Variants in KMT2A observed in about 807,000 individuals in gnomAD.
KMT2A encodes the protein lysine methyltransferase 2A, also known as histone-lysine N-methyltransferase 2A.
KMT2A carries 16 observed loss-of-function variants against 345.3 expected under a neutral mutation model. The observed-to-expected ratio is 0.05, with a 90% CI of 0.03 to 0.07. KMT2A has a LOEUF of 0.07. KMT2A is among the 10% of genes least tolerant of loss of function. KMT2A has a pLI of 1.00. For missense variants in KMT2A, 3,272 were observed against 4,841.6 expected (o/e 0.68, Z 9.62); for synonymous variants, 1,599 against 1,778.6 (o/e 0.90, Z 2.54).
rs1555044956 is a variant in KMT2A at position 118,499,290 on chromosome 11, G to A, written c.5962-13G>A. 1.3e-6 allele frequency: 2 copies of A among 1,542,070 alleles called. No homozygotes were observed. The highest frequency in any genetic ancestry group is 1.1e-5 in the South Asian group (1 of 89,584). Reference sequence around the variant, plus strand: ...GGACAGCCTATTAACAGCTACCATGGGTTTTATTTAAGGTGGTTCCTGAGA... The same window carrying A: ...GGACAGCCTATTAACAGCTACCATGAGTTTTATTTAAGGTGGTTCCTGAGA... On this transcript the variant is annotated splice_polypyrimidine_tract_variant and intron_variant, in intron 22 of 35. Coordinates refer to ENST00000534358, the MANE Select transcript of KMT2A (RefSeq NM_001197104.2).
intron 1 of KMT2A, among the ~76,000 whole-genome samples, chr11:118,444,636 C>T (rs1321480958): frequency 1.3e-5 from 2 of 152,128 alleles, no homozygotes; most frequent in African/African-American, 4.8e-5. Flanking sequence ...AGTGTAATGG[C>T]ACAAACATTT....
rs1445127709 is a variant in KMT2A, at chr11:118,490,245, T to C, written c.4692T>C (p.Ala1564=). Reference sequence around the variant, plus strand: ...GTCATGATTGCGCCAAGCTCTTTGCTAAAGGTACCCAAAAAAGCCAGTTTT... The same window carrying C: ...GTCATGATTGCGCCAAGCTCTTTGCCAAAGGTACCCAAAAAAGCCAGTTTT... The part of the protein sequence containing the change: ...SLCHDCAKLF[A]KGNFCPLCDK... The change falls in exon 13 of 36, where the codon GCT becomes GCC. Residue 1564 remains alanine, a synonymous_variant. Transcript: ENST00000534358. The surrounding 1 kb of genome is among the most constrained non-coding windows in gnomAD (Gnocchi z 4.2). 6.4e-7 allele frequency: 1 copy of C among 1,551,876 alleles called. No individual in the cohort carries two copies. The highest frequency in any genetic ancestry group is 8.6e-7 in the Non-Finnish European group (1 of 1,157,976).
At chr11:118,438,720 A>G (rs2134162822) in intron 1 of KMT2A, among the ~76,000 whole-genome samples, 1 of 152,278 alleles carries the variant, frequency 6.6e-6, no homozygotes, top group African/African-American at 2.4e-5. Context: ...CCTCCTTTCA[A>G]GGAGCTGGCA....
chr11:118,511,817 T>C (rs901273448), intron 30 of KMT2A, 134 bp from the exon 31 acceptor site: 2 of 749,306 alleles, frequency 2.7e-6, no homozygotes, highest in Admixed American at 2.4e-5. Context: ...CTAAGAAAAA[T>C]AACAAAACAC....
intron 31 of KMT2A, among the ~76,000 whole-genome samples, chr11:118,517,687 A>T (rs956749774): frequency 2.6e-5 from 4 of 151,978 alleles, no homozygotes; most frequent in African/African-American, 9.7e-5. Context: ...AAGAAATTTA[A>T]AAATTAGCCA....
At position 118,436,860 on chromosome 11, in the gene KMT2A, G is replaced by A. The variant is rs1555138781; in HGVS notation, c.348G>A (p.Leu116=). 1 of 1,598,054 alleles carries A rather than the reference G, an allele frequency of 6.3e-7. No homozygotes were observed. Among genetic ancestry groups the A allele is most frequent in the Non-Finnish European group, 8.5e-7 (1 of 1,173,062 alleles). Residue 116 remains leucine, a synonymous_variant, in exon 1 of 36, where the codon CTG becomes CTA. Coordinates refer to ENST00000534358, the MANE Select transcript of KMT2A (RefSeq NM_001197104.2). This position sits in a 1 kb window ranked among gnomAD's most constrained non-coding sequence, Gnocchi z 6.9. The part of the protein sequence containing the change: ...LRVGPGFDAA[L]QVSAAIGTNL... ...TGGGCCCGGGCTTCGACGCGGCGCTGCAGGTCTCGGCCGCCATCGGCACCA... is the reference window on the plus strand; with the variant it reads ...TGGGCCCGGGCTTCGACGCGGCGCTACAGGTCTCGGCCGCCATCGGCACCA...
chr11:118,494,429 T>A lies in KMT2A; in HGVS notation c.5289+31T>A. 1 of 1,163,424 alleles carries A rather than the reference T, an allele frequency of 8.6e-7. No individual in the cohort carries two copies. Among genetic ancestry groups the A allele is most frequent in the Non-Finnish European group, 1.3e-6 (1 of 773,910 alleles). The allele number at this position is 1,163,424 out of a possible 1,614,324, so 72.1% of individuals were successfully genotyped here. A position where few individuals can be genotyped will look rare whatever the true frequency, so the allele number is the denominator to read the frequency against. ...TGATATTACTAATTCATGTTTTTAA[T>A]GCTTACCTATAAGTAATTACCCTGT... On this transcript the variant is annotated intron_variant, in intron 17 of 35. Coordinates refer to ENST00000534358, the MANE Select transcript of KMT2A (RefSeq NM_001197104.2). This position sits in a 1 kb window ranked among gnomAD's most constrained non-coding sequence, Gnocchi z 5.8.
intron 2 of KMT2A, among the ~76,000 whole-genome samples, chr11:118,470,432 C>T (rs782389309): frequency 5.3e-5 from 8 of 152,084 alleles, no homozygotes; most frequent in Non-Finnish European, 8.8e-5. Context: ...GACTACCAGT[C>T]TACCTTGAAT....
chr11:118,507,123 C>G (rs943630313), intron 27 of KMT2A, among the ~76,000 whole-genome samples: 1 of 152,052 alleles, frequency 6.6e-6, no homozygotes, highest in African/African-American at 2.4e-5. Flanking sequence ...ATAGTAAGAC[C>G]CTGTCTCTAC....
rs1950585779 is a variant in KMT2A, at chr11:118,506,487, C to T, written c.10595C>T (p.Ser3532Leu). 2 of 1,614,212 alleles carry T rather than the reference C, an allele frequency of 1.2e-6. No homozygotes were observed. The highest frequency in any genetic ancestry group is 1.7e-6 in the Non-Finnish European group (2 of 1,180,040). The part of the protein sequence containing the change: ...PSSGQRSASP[S>L]VPGPTKPKPK... ...TCTGGACAGCGGTCAGCAAGCCCTT[C>T]AGTGCCGGGTCCCACTAAACCCAAA... is the stretch of plus-strand genomic sequence containing the variant. The change falls in exon 27 of 36, where the codon TCA becomes TTA. Residue 3532 changes from serine to leucine, a missense_variant. By Grantham distance (145) the Ser-to-Leu change is moderately radical (BLOSUM62 -2). This residue lies in a region of KMT2A where 748 missense variants were observed against 922.2 expected (regional missense o/e 0.81). Transcript: ENST00000534358.
intron 1 of KMT2A, among the ~76,000 whole-genome samples, chr11:118,440,781 GA>G (rs1454916102): frequency 6.8e-6 from 1 of 147,924 alleles, no homozygotes; most frequent in Non-Finnish European, 1.5e-5. Flanking sequence ...AGGAGAGCGT[GA>G]TTTTTTTTTT....
chr11:118,515,073 T>C (rs1463835723), intron 31 of KMT2A, among the ~76,000 whole-genome samples: 1 of 152,210 alleles, frequency 6.6e-6, no homozygotes, highest in Non-Finnish European at 1.5e-5. Flanking sequence ...GGCCCATCCA[T>C]GTGTCTTAAA....
chr11:118,477,562 C>A (rs1296653791), intron 4 of KMT2A, among the ~76,000 whole-genome samples: 4 of 111,238 alleles, frequency 3.6e-5, no homozygotes, highest in Non-Finnish European at 6.6e-5. Flanking sequence ...AGCTGGAGTA[C>A]AGTGGTGCGA....
At chr11:118,451,851 T>C (rs543107992) in intron 1 of KMT2A, among the ~76,000 whole-genome samples, 1 of 152,266 alleles carries the variant, frequency 6.6e-6, no homozygotes, top group Admixed American at 6.5e-5. Flanking sequence ...ATTCACATTT[T>C]TAATACTTTG....
At chr11:118,455,939 T>C (rs1251759081) in intron 1 of KMT2A, among the ~76,000 whole-genome samples, 1 of 152,136 alleles carries the variant, frequency 6.6e-6, no homozygotes, top group Non-Finnish European at 1.5e-5. Context: ...GCTGCCTGCT[T>C]CAGCCTCCCA....
At chr11:118,447,719 A>T in intron 1 of KMT2A, 2 of 421,026 alleles carry the variant, frequency 4.8e-6, no homozygotes, top group Non-Finnish European at 9.4e-6. Context: ...CTATGAGGAA[A>T]GGTTGAGAGA....
Position 118,468,813 on chromosome 11 carries a change from C to A in KMT2A, c.471C>A (p.Val157=). The A allele has an allele frequency of 6.2e-7, 1 of 1,613,118 alleles. No individual in the cohort carries two copies. Among genetic ancestry groups the A allele is most frequent in the South Asian group, 1.1e-5 (1 of 91,036 alleles). Reference sequence around the variant, plus strand: ...TAGGTTTTGGCTCAGATGAAGAAGTCAGAGTGCGAAGTCCCACAAGGTCTC... The same window carrying A: ...TAGGTTTTGGCTCAGATGAAGAAGTAAGAGTGCGAAGTCCCACAAGGTCTC... The part of the protein sequence containing the change: ...QFLGFGSDEE[V]RVRSPTRSPS... Residue 157 remains valine, a synonymous_variant, in exon 2 of 36, where the codon GTC becomes GTA. Transcript: ENST00000534358.
intron 2 of KMT2A, 80 bp from the exon 3 acceptor site, chr11:118,471,582 G>A: frequency 1.1e-6 from 1 of 941,358 alleles, no homozygotes. Flanking sequence ...AATGGCCAGT[G>A]CTAAGTTATA....
chr11:118,525,499 C>T lies in KMT2A; in HGVS notation c.*3327C>T, dbSNP rs1951062007. The T allele has an allele frequency of 4.4e-6, 1 of 225,950 alleles. No individual in the cohort carries two copies. Among genetic ancestry groups the T allele is most frequent in the South Asian group, 1.8e-4 (1 of 5,476 alleles). 14.0% of individuals were successfully genotyped at this position (225,950 alleles called of 1,614,324 possible). A position where few individuals can be genotyped will look rare whatever the true frequency, so the allele number is the denominator to read the frequency against. ...GGAAGCCCTGGCAGCTATACGTTTT[C>T]AACCAGACTCCTTTGCCGGGACCCA... On this transcript the variant is annotated 3_prime_UTR_variant, in exon 36 of 36. Transcript: ENST00000534358.
Sources: allele counts gnomAD v4.1 joint callset (sites outside exome capture counted in the v4.1 genomes callset), GRCh38; gene constraint gnomAD v4.1.1; regional missense constraint gnomAD v4.1.1; non-coding constraint Gnocchi (gnomAD v3.1); transcripts MANE v1.5; gene names NCBI Gene and HGNC (gene_info 2026-07-23, HGNC 2026-07-21).